Variants in CCDC40 observed in about 807,000 individuals in gnomAD.
CCDC40 encodes the protein coiled-coil domain 40 molecular ruler complex subunit.
Under a neutral mutation model 124.5 loss-of-function variants are expected in CCDC40, and 104 were observed. The ratio of observed to expected loss-of-function variants is 0.84; its 90% confidence interval spans 0.71 to 0.98. The LOEUF (loss-of-function observed/expected upper bound fraction) is 0.98. CCDC40 is among the 50% of genes least tolerant of loss of function. The pLI, the probability that CCDC40 is intolerant of heterozygous loss-of-function variation, is 0.00. For missense variants in CCDC40, 1,463 were observed against 1,503.9 expected (o/e 0.97, Z 0.45); for synonymous variants, 580 against 602.9 (o/e 0.96, Z 0.56).
At chr17:80,048,859 A>C in intron 5 of CCDC40, 98 bp downstream of exon 5, 2 of 1,084,442 alleles carry the variant, frequency 1.8e-6, no homozygotes, top group Non-Finnish European at 2.8e-6. Context: ...CTGACCCTAA[A>C]TGCTGTACTT....
chr17:80,037,688 A>ATATATATATATATATATAT (rs1555889124), intron 1 of CCDC40, among the ~76,000 whole-genome samples: 31 of 45,694 alleles, frequency 6.8e-4, no homozygotes, highest in Admixed American at 1.9e-3. Context: ...TTTTTTAAAA[A>ATATATATATATATATATAT]AGATATACAT....
At chr17:80,075,488 G>T (rs559065196) in intron 10 of CCDC40, among the ~76,000 whole-genome samples, 2 of 152,094 alleles carry the variant, frequency 1.3e-5, no homozygotes, top group African/African-American at 4.8e-5. Flanking sequence ...GGGGACAGAT[G>T]TGCAAGTCCC....
chr17:80,078,303 C>T (rs1366199928), intron 10 of CCDC40, among the ~76,000 whole-genome samples: 1 of 148,898 alleles, frequency 6.7e-6, no homozygotes, highest in Admixed American at 6.8e-5. Context: ...TGCACTCCAG[C>T]CTGGGCAACA....
chr17:80,050,597 C>T (rs1251073637), intron 7 of CCDC40, among the ~76,000 whole-genome samples: 1 of 152,208 alleles, frequency 6.6e-6, no homozygotes, highest in Non-Finnish European at 1.5e-5. Flanking sequence ...GCACCTGCCA[C>T]CATGCCTGGC....
chr17:80,090,077 A>G, intron 17 of CCDC40, 193 bp downstream of exon 17: 5 of 1,536,888 alleles, frequency 3.3e-6, no homozygotes, highest in Non-Finnish European at 4.4e-6. Context: ...CCAGCCGAGC[A>G]CTGGCAAAGC....
chr17:80,071,442 A>G (rs1253516408), intron 10 of CCDC40, among the ~76,000 whole-genome samples: 2 of 152,200 alleles, frequency 1.3e-5, no homozygotes, highest in African/African-American at 4.8e-5. Flanking sequence ...GGCCTTGACC[A>G]CAGGCTGCTG....
At chr17:80,054,616 A>G (rs9891814) in intron 7 of CCDC40, among the ~76,000 whole-genome samples, 51,016 of 152,124 alleles carry the variant, frequency 0.34, 11,324 homozygotes, top group African/African-American at 0.64. Context: ...ATTTACTTCC[A>G]GAATTCACAC....
chr17:80,056,004 A>ATTTTTTTTT (rs1262463030), intron 7 of CCDC40, among the ~76,000 whole-genome samples: 8 of 8,378 alleles, frequency 9.5e-4, no homozygotes, highest in Non-Finnish European at 1.4e-3. Context: ...ATATATATAT[A>ATTTTTTTTT]TATATATATA....
chr17:80,056,901 C>T (rs978198115), intron 7 of CCDC40, among the ~76,000 whole-genome samples: 11 of 151,202 alleles, frequency 7.3e-5, no homozygotes, highest in African/African-American at 1.9e-4. Context: ...ATTACTCGGG[C>T]GTGGTGGCGG....
chr17:80,091,083 G>A (rs74445778), intron 17 of CCDC40, among the ~76,000 whole-genome samples: 6,747 of 152,184 alleles, frequency 0.044, 187 homozygotes, highest in East Asian at 0.13. Context: ...TCACCTTCTC[G>A]GATCTCACAC....
intron 10 of CCDC40, among the ~76,000 whole-genome samples, chr17:80,079,256 C>A (rs1307340491): frequency 6.6e-6 from 1 of 152,134 alleles, no homozygotes; most frequent in Non-Finnish European, 1.5e-5. Context: ...ATTTTTCTCA[C>A]ATCTCTCCCC....
rs1242875098 is a variant in CCDC40 at position 80,087,106 on chromosome 17, A to G, written c.2450-501A>G. 1.9e-5 allele frequency: 4 copies of G among 214,316 alleles called. No homozygotes were observed. The Admixed American group carries it at 2.1e-4, about 11-fold the overall frequency. The allele number at this position is 214,316 out of a possible 1,614,324, so 13.3% of individuals were successfully genotyped here. A position where few individuals can be genotyped will look rare whatever the true frequency, so the allele number is the denominator to read the frequency against. On this transcript the variant is annotated intron_variant, in intron 14 of 19. Transcript: ENST00000397545. The surrounding 1 kb of genome is among the most constrained non-coding windows in gnomAD (Gnocchi z 4.5). ...TGGAGAAGCCCTGTGAGGAGTGGCC[A>G]GCGGATGAACCAGCTGTGGCCTCTT...
At position 80,058,711 on chromosome 17, in the gene CCDC40, G is replaced by T; in HGVS notation, c.1317+60G>T. On this transcript the variant is annotated intron_variant, in intron 8 of 19. Transcript: ENST00000397545. The surrounding 1 kb of genome is among the most constrained non-coding windows in gnomAD (Gnocchi z 4.2). ...CCAGACCGTGGAGCTTCAAAAAGGG[G>T]CTCAGCTTTGCCTCCTGCGTGAAGG... The T allele has an allele frequency of 1.1e-5, 18 of 1,607,448 alleles. No individual in the cohort carries two copies. Among genetic ancestry groups the T allele is most frequent in the Non-Finnish European group, 1.5e-5 (18 of 1,174,144 alleles).
intron 9 of CCDC40, among the ~76,000 whole-genome samples, chr17:80,064,043 A>G (rs1432613219): frequency 6.6e-6 from 1 of 152,176 alleles, no homozygotes; most frequent in Admixed American, 6.5e-5. Context: ...GGATGTACAC[A>G]GTGTCCCTTC....
intron 10 of CCDC40, among the ~76,000 whole-genome samples, chr17:80,070,446 T>C (rs1219731207): frequency 3.9e-5 from 6 of 151,964 alleles, no homozygotes; most frequent in African/African-American, 1.5e-4. Context: ...AAATAAAATA[T>C]AAAAAATAGC....
intron 7 of CCDC40, among the ~76,000 whole-genome samples, chr17:80,053,181 GA>G (rs1280037732): frequency 1.3e-5 from 2 of 152,236 alleles, no homozygotes; most frequent in Non-Finnish European, 2.9e-5. Context: ...TCTGCAGATA[GA>G]AAGACTCGTG....
chr17:80,089,763 G>A lies in CCDC40; in HGVS notation c.2712-1G>A, dbSNP rs370706991. ...TTACACTGCCTCTCCTACCTCTAAA[G>A]ACACCAGATTATGCTTTGGGAGAAA... On this transcript the variant is annotated splice_acceptor_variant, in intron 16 of 19. Coordinates refer to ENST00000397545, the MANE Select transcript of CCDC40 (RefSeq NM_017950.4). LOFTEE classifies it high-confidence loss of function. 11 of 1,614,072 alleles carry A rather than the reference G, an allele frequency of 6.8e-6. No individual in the cohort carries two copies. The highest frequency in any genetic ancestry group is 1.7e-5 in the Admixed American group (1 of 60,006).
intron 10 of CCDC40, among the ~76,000 whole-genome samples, chr17:80,079,874 G>A (rs1385370347): frequency 3.3e-5 from 5 of 151,270 alleles, no homozygotes; most frequent in Admixed American, 6.6e-5. Context: ...GCAGTCAGCC[G>A]AGATCGCGCC....
intron 7 of CCDC40, 84 bp downstream of exon 7, chr17:80,050,367 AG>A: frequency 9.1e-7 from 1 of 1,102,696 alleles, no homozygotes; most frequent in Non-Finnish European, 1.3e-6. Flanking sequence ...CCAGGCATCT[AG>A]AAAAGTAAGA....
Sources: allele counts gnomAD v4.1 joint callset (sites outside exome capture counted in the v4.1 genomes callset), GRCh38; gene constraint gnomAD v4.1.1; non-coding constraint Gnocchi (gnomAD v3.1); transcripts MANE v1.5; gene names NCBI Gene and HGNC (gene_info 2026-07-23, HGNC 2026-07-21).